Variants in FRMD6 observed in about 807,000 individuals in gnomAD.
The protein encoded by FRMD6 is FERM domain containing 6.
Under a neutral mutation model 73.2 loss-of-function variants are expected in FRMD6, and 37 were observed. The ratio of observed to expected loss-of-function variants is 0.51; its 90% CI spans 0.39 to 0.66. FRMD6 has a LOEUF of 0.66. FRMD6 is among the 30% of genes least tolerant of loss of function. The pLI is 0.00. For missense variants in FRMD6, 714 were observed against 780.5 expected, an observed-to-expected ratio of 0.91 and a Z score of 1.02; for synonymous variants, 273 against 282.2, an observed-to-expected ratio of 0.97 and a Z score of 0.33.
At chr14:51,412,332 C>T in the FRMD6 span, among the ~76,000 whole-genome samples, 3 of 152,110 alleles carry the variant, frequency 2.0e-5, no homozygotes, top group Non-Finnish European at 2.9e-5. Context: ...AGAAAAATGA[C>T]GTGATGAATC....
chr14:51,657,922 T>C (rs960325690), intron 1 of FRMD6, among the ~76,000 whole-genome samples: 1 of 152,034 alleles, frequency 6.6e-6, no homozygotes, highest in African/African-American at 2.4e-5. Context: ...GAGGCAGAGG[T>C]TGAATGATTC....
At chr14:51,615,127 G>A (rs1355190106) in intron 2 of FRMD6, among the ~76,000 whole-genome samples, 1 of 152,196 alleles carries the variant, frequency 6.6e-6, no homozygotes, top group Non-Finnish European at 1.5e-5. Flanking sequence ...TTTAGCAGCT[G>A]CTGCCACTAA....
chr14:51,563,392 G>A (rs1199018200), intron 1 of FRMD6, among the ~76,000 whole-genome samples: 2 of 152,144 alleles, frequency 1.3e-5, no homozygotes, highest in South Asian at 2.1e-4. Context: ...TACTGTGGCC[G>A]GGCGTGGTGG....
intron 1 of FRMD6, among the ~76,000 whole-genome samples, chr14:51,670,791 G>A (rs577865893): frequency 1.3e-5 from 2 of 151,898 alleles, no homozygotes; most frequent in East Asian, 1.9e-4. Flanking sequence ...GATTGCAGGC[G>A]CACACCACCA....
At chr14:51,545,867 T>C (rs769468363) in intron 1 of FRMD6, among the ~76,000 whole-genome samples, 33 of 152,160 alleles carry the variant, frequency 2.2e-4, no homozygotes, top group Middle Eastern at 3.4e-3. Context: ...TGTTCGGGCA[T>C]AGGAAAAAAA....
intron 1 of FRMD6, among the ~76,000 whole-genome samples, chr14:51,548,363 G>A (rs888556828): frequency 2.0e-5 from 3 of 151,982 alleles, no homozygotes; most frequent in Non-Finnish European, 2.9e-5. Flanking sequence ...ATTCTTAATC[G>A]CCCACAAGCT....
At chr14:51,483,367 T>C in the FRMD6 span, among the ~76,000 whole-genome samples, 1 of 152,052 alleles carries the variant, frequency 6.6e-6, no homozygotes, top group African/African-American at 2.4e-5. Context: ...TGGTAACAAG[T>C]GTCATAGAAG....
chr14:51,652,404 T>C (rs1436596585), intron 1 of FRMD6, among the ~76,000 whole-genome samples: 1 of 152,144 alleles, frequency 6.6e-6, no homozygotes, highest in African/African-American at 2.4e-5. Context: ...GTTCTCTGCA[T>C]CGCGGAGGTC....
At chr14:51,403,022 A>G in the FRMD6 span, among the ~76,000 whole-genome samples, 3 of 152,152 alleles carry the variant, frequency 2.0e-5, no homozygotes, top group Admixed American at 6.5e-5. Flanking sequence ...TCCCTCTTCA[A>G]TCTCTCTCCC....
rs147845125 is a variant in FRMD6, at chr14:51,585,399, A to G, written c.-147+14989A>G. On this transcript the variant is annotated intron_variant, in intron 2 of 14. Transcript: ENST00000356218. ...AACCTGAAATTGTGATGAGGCTACA[A>G]TTTAAGTGTTTACCCAATTTAAGTG... Among the ~76,000 whole-genome samples, 177 of 152,284 alleles carry G rather than the reference A, an allele frequency of 1.2e-3. 2 individuals carry two copies. The highest frequency in any genetic ancestry group is 3.9e-3 in the African/African-American group (161 of 41,554).
chr14:51,504,002 T>A (rs1883786630), intron 1 of FRMD6, among the ~76,000 whole-genome samples: 1 of 152,156 alleles, frequency 6.6e-6, no homozygotes, highest in Admixed American at 6.5e-5. Context: ...CTTCTAGATT[T>A]TCTGGTTTAT....
chr14:51,691,567 T>A (rs1755451149), intron 2 of FRMD6, among the ~76,000 whole-genome samples: 1 of 150,462 alleles, frequency 6.6e-6, no homozygotes, highest in African/African-American at 2.4e-5. Flanking sequence ...ACTATATTTT[T>A]ATTTATTTAT....
chr14:51,477,613 A>G, the FRMD6 span, among the ~76,000 whole-genome samples: 3 of 152,196 alleles, frequency 2.0e-5, no homozygotes, highest in Admixed American at 1.3e-4. Context: ...AAATTTAAGT[A>G]TTATAAACTT....
chr14:51,581,410 G>T (rs1888715860), intron 2 of FRMD6, among the ~76,000 whole-genome samples: 1 of 152,016 alleles, frequency 6.6e-6, no homozygotes, highest in Non-Finnish European at 1.5e-5. Context: ...CAATCTAAAG[G>T]GAAAATTAAA....
chr14:51,531,117 T>A (rs1219659470), intron 1 of FRMD6, among the ~76,000 whole-genome samples: 1 of 152,208 alleles, frequency 6.6e-6, no homozygotes, highest in Non-Finnish European at 1.5e-5. Context: ...AGAGCCTTCA[T>A]GACCTCACCT....
intron 1 of FRMD6, among the ~76,000 whole-genome samples, chr14:51,689,191 TG>T (rs1375343833): frequency 6.6e-6 from 1 of 152,242 alleles, no homozygotes; most frequent in Non-Finnish European, 1.5e-5. Flanking sequence ...CTAGAGATCA[TG>T]GGCTTCCTTT....
At chr14:51,442,037 C>A in the FRMD6 span, among the ~76,000 whole-genome samples, 3 of 152,184 alleles carry the variant, frequency 2.0e-5, no homozygotes, top group Admixed American at 2.0e-4. Flanking sequence ...CTCAAAACTT[C>A]GTACCATCAG....
At chr14:51,638,736 CTT>C (rs1891685714) in intron 2 of FRMD6, among the ~76,000 whole-genome samples, 1 of 152,144 alleles carries the variant, frequency 6.6e-6, no homozygotes, top group Non-Finnish European at 1.5e-5. Context: ...TTTGATCATT[CTT>C]TTTTAGTCTG....
At chr14:51,442,637 C>T in the FRMD6 span, among the ~76,000 whole-genome samples, 1 of 152,144 alleles carries the variant, frequency 6.6e-6, no homozygotes, top group Non-Finnish European at 1.5e-5. Context: ...CTCCTCAGGG[C>T]AGAAACTATG....
Sources: allele counts gnomAD v4.1 joint callset (sites outside exome capture counted in the v4.1 genomes callset), GRCh38; gene constraint gnomAD v4.1.1; transcripts MANE v1.5; gene names NCBI Gene and HGNC (gene_info 2026-07-23, HGNC 2026-07-21).